LGI1: variants seen among roughly 807,000 people sequenced by gnomAD.
The protein encoded by LGI1 is leucine-rich glioma-inactivated protein 1.
In LGI1, 11 loss-of-function variants were observed where a neutral mutation model predicts 57.7. The observed-to-expected ratio is 0.19, with a 90% confidence interval of 0.12 to 0.32. LGI1 has a LOEUF of 0.32. Among genes scored for constraint, LGI1 ranks in the 10% least tolerant of loss-of-function variants. LGI1 has a pLI of 1.00. For synonymous variants in LGI1, 222 were observed against 241.9 expected (o/e 0.92, Z 0.76); for missense variants, 422 against 661.9 (o/e 0.64, Z 3.98).
chr10:93,776,651 CT>C (rs1279333252), intron 2 of LGI1, among the ~76,000 whole-genome samples: 1 of 152,094 alleles, frequency 6.6e-6, no homozygotes, highest in Middle Eastern at 3.2e-3. Context: ...CTAAAACTAC[CT>C]CTTTTAAGCC....
At chr10:93,766,363 ACTGTGCTTC>A (rs1431433857) in intron 2 of LGI1, among the ~76,000 whole-genome samples, 1 of 152,174 alleles carries the variant, frequency 6.6e-6, no homozygotes, top group Non-Finnish European at 1.5e-5. Context: ...ATTTTGCCCA[ACTGTGCTTC>A]CATGGCTAAA....
chr10:93,779,438 GA>G (rs1452104657), intron 4 of LGI1, among the ~76,000 whole-genome samples: 3 of 138,976 alleles, frequency 2.2e-5, no homozygotes, highest in African/African-American at 7.9e-5. Context: ...GGGAGGGAGG[GA>G]GGGGAGGGGA....
intron 2 of LGI1, chr10:93,770,948 A>C (rs1315670642): frequency 6.6e-6 from 1 of 152,216 alleles, no homozygotes; most frequent in Non-Finnish European, 1.5e-5. Flanking sequence ...TTTAATCAGA[A>C]AGAATAAAAG....
chr10:93,761,253 C>T (rs1007585046), intron 2 of LGI1, among the ~76,000 whole-genome samples: 3 of 152,106 alleles, frequency 2.0e-5, no homozygotes, highest in African/African-American at 7.2e-5. Flanking sequence ...ACATGAAGAC[C>T]AATGGCATTG....
intron 2 of LGI1, among the ~76,000 whole-genome samples, chr10:93,759,689 C>A (rs2059603789): frequency 6.6e-6 from 1 of 152,208 alleles, no homozygotes; most frequent in Admixed American, 6.5e-5. Flanking sequence ...TGTGGATCAG[C>A]TGAGTCTTGG....
intron 6 of LGI1, 101 bp downstream of exon 6, chr10:93,793,013 T>C (rs2059949504): frequency 1.2e-5 from 16 of 1,333,522 alleles, no homozygotes; most frequent in Non-Finnish European, 1.7e-5. Flanking sequence ...AAAAACTAGC[T>C]GAGCAACTTA....
intron 2 of LGI1, among the ~76,000 whole-genome samples, chr10:93,761,302 G>T (rs1162846329): frequency 6.6e-6 from 1 of 152,116 alleles, no homozygotes; most frequent in East Asian, 1.9e-4. Flanking sequence ...AGCCATTGAG[G>T]TTTGCAATGA....
chr10:93,758,593 A>G lies in LGI1; in HGVS notation c.216-167A>G. The G allele has an allele frequency of 1.4e-6, 1 of 692,464 alleles. No homozygotes were observed. The highest frequency in any genetic ancestry group is 1.7e-5 in the South Asian group (1 of 58,292). 42.9% of individuals were successfully genotyped at this position (692,464 alleles called of 1,614,324 possible). A position where few individuals can be genotyped will look rare whatever the true frequency, so the allele number is the denominator to read the frequency against. On this transcript the variant is annotated intron_variant, in intron 1 of 7. Transcript: ENST00000371418. The surrounding 1 kb of genome is among the most constrained non-coding windows in gnomAD (Gnocchi z 4.7). ...CATTATCATGAGAAACCTGTAGCCG[A>G]TTCATTTCTCTTACTTCATCTGGGA...
intron 2 of LGI1, among the ~76,000 whole-genome samples, chr10:93,765,936 C>G (rs888824594): frequency 1.4e-5 from 2 of 141,972 alleles, no homozygotes; most frequent in East Asian, 2.1e-4. Context: ...CGCCACTGCA[C>G]TCCAGCCTGG....
At chr10:93,779,006 AAC>A (rs370087747) in intron 4 of LGI1, 17 of 152,230 alleles carry the variant, frequency 1.1e-4, no homozygotes, top group Non-Finnish European at 2.9e-5. Flanking sequence ...GTAATAAAAA[AAC>A]AGTGTTTGCA....
intron 4 of LGI1, 40 bp from the exon 5 acceptor site, chr10:93,790,059 A>G: frequency 6.5e-7 from 1 of 1,544,608 alleles, no homozygotes; most frequent in Non-Finnish European, 8.8e-7. Context: ...TGTTTAATTT[A>G]TCACTACAGT....
intron 6 of LGI1, 108 bp from the exon 7 acceptor site, chr10:93,793,078 G>A: frequency 8.5e-7 from 1 of 1,182,752 alleles, no homozygotes; most frequent in Non-Finnish European, 1.2e-6. Flanking sequence ...AAAGTAAAAT[G>A]GCCATTTTAC....
At chr10:93,761,789 A>G (rs1007747673) in intron 2 of LGI1, among the ~76,000 whole-genome samples, 18 of 152,232 alleles carry the variant, frequency 1.2e-4, no homozygotes, top group Non-Finnish European at 2.2e-4. Context: ...GGGTTTAAAC[A>G]TAACAATAAA....
At chr10:93,782,746 C>CAG (rs1206274589) in intron 4 of LGI1, 1 of 152,218 alleles carries the variant, frequency 6.6e-6, no homozygotes, top group Non-Finnish European at 1.5e-5. Flanking sequence ...GCCGCAGGTT[C>CAG]AGAGAGACAC....
At chr10:93,777,515 G>A (rs1159856848) in intron 3 of LGI1, 31 bp from the exon 4 acceptor site, 4 of 1,610,616 alleles carry the variant, frequency 2.5e-6, no homozygotes, top group Non-Finnish European at 3.4e-6. Flanking sequence ...TCCTGTAACT[G>A]TTTGACAAAA....
Position 93,790,150 on chromosome 10 carries a change from C to G in LGI1, c.483C>G (p.Gly161=). ...CACTCCCAAAAGATATTTTCAAAGG[C>G]CTGGATTCTTTAACAAATGTGTAAG... The part of the protein sequence containing the change: ...LQTLPKDIFK[G]LDSLTNVDLR... Residue 161 remains glycine, a synonymous_variant, in exon 5 of 8, where the codon GGC becomes GGG. Coordinates refer to ENST00000371418, the MANE Select transcript of LGI1 (RefSeq NM_005097.4). 1 of 1,608,260 alleles carries G rather than the reference C, an allele frequency of 6.2e-7. No individual in the cohort carries two copies. The highest frequency in any genetic ancestry group is 8.5e-7 in the Non-Finnish European group (1 of 1,179,252).
chr10:93,759,227 T>G, intron 2 of LGI1: 1 of 244,014 alleles, frequency 4.1e-6, no homozygotes, highest in Non-Finnish European at 8.0e-6. Flanking sequence ...TCCGGGGATC[T>G]GGGGCAGGCT....
chr10:93,768,050 A>G (rs2059697265), intron 2 of LGI1: 1 of 152,210 alleles, frequency 6.6e-6, no homozygotes, highest in South Asian at 2.1e-4. Context: ...AAGAGTCTCA[A>G]TTTACTTAAG....
At chr10:93,792,255 AG>A (rs1375613008) in intron 5 of LGI1, 2 of 159,746 alleles carry the variant, frequency 1.3e-5, no homozygotes, top group Non-Finnish European at 2.8e-5. Flanking sequence ...GATATATTGT[AG>A]GTATAAAATA....
Sources: gnomAD v4.1 joint callset for allele counts (sites outside exome capture counted in the v4.1 genomes callset) on GRCh38, gnomAD v4.1.1 for gene constraint, Gnocchi (gnomAD v3.1) non-coding constraint, MANE v1.5 for transcripts, NCBI Gene and HGNC (gene_info 2026-07-23, HGNC 2026-07-21) for gene names.